ARHGAP44: variants seen among roughly 807,000 people sequenced by gnomAD.
ARHGAP44 encodes the protein Rho GTPase activating protein 44, also known as rho GTPase-activating protein 44.
Under a neutral mutation model 106.8 loss-of-function variants are expected in ARHGAP44, and 43 were observed. The ratio of observed to expected loss-of-function variants is 0.40; its 90% CI spans 0.32 to 0.52. The LOEUF (loss-of-function observed/expected upper bound fraction) is 0.52, where lower values mean the gene tolerates loss of function less well. Among genes scored for constraint, ARHGAP44 ranks in the 20% least tolerant of loss-of-function variants. The pLI, the probability that ARHGAP44 is intolerant of heterozygous loss-of-function variation, is 0.48. For missense variants in ARHGAP44, 866 were observed against 1,050.5 expected (o/e 0.82, Z 2.43); for synonymous variants, 439 against 410.3 (o/e 1.07, Z -0.85).
chr17:12,886,009 T>A (rs963817207), intron 1 of ARHGAP44, among the ~76,000 whole-genome samples: 5 of 152,164 alleles, frequency 3.3e-5, no homozygotes, highest in Middle Eastern at 3.2e-3. Flanking sequence ...TGATCTATTA[T>A]AAATTAATTT....
At chr17:12,800,533 G>C (rs559266321) in intron 1 of ARHGAP44, among the ~76,000 whole-genome samples, 1 of 152,294 alleles carries the variant, frequency 6.6e-6, no homozygotes, top group Non-Finnish European at 1.5e-5. Context: ...GATGTGAGAA[G>C]TTATATCCTG....
rs371617447 is a variant in ARHGAP44 at position 12,973,707 on chromosome 17, C to G, written c.1542-382C>G. 300 of 480,414 alleles carry G rather than the reference C, an allele frequency of 6.2e-4. 1 individual carries two copies. Among genetic ancestry groups the G allele is most frequent in the Admixed American group, 1.9e-3 (51 of 26,158 alleles). 29.8% of individuals were successfully genotyped at this position (480,414 alleles called of 1,614,324 possible). A position where few individuals can be genotyped will look rare whatever the true frequency, so the allele number is the denominator to read the frequency against. ...ACTTGGGAGGAGTGAGTGTCCCTGC[C>G]CCCCCAGTTAGGCCACACACCGCTG... is the stretch of plus-strand genomic sequence containing the variant. On this transcript the variant is annotated intron_variant, in intron 17 of 20. Coordinates refer to ENST00000379672, the MANE Select transcript of ARHGAP44 (RefSeq NM_014859.6).
intron 1 of ARHGAP44, among the ~76,000 whole-genome samples, chr17:12,879,402 A>G (rs1415182533): frequency 6.6e-6 from 1 of 152,138 alleles, no homozygotes; most frequent in East Asian, 1.9e-4. Context: ...CATATTTCGC[A>G]GTTGCAAATT....
intron 3 of ARHGAP44, among the ~76,000 whole-genome samples, chr17:12,898,940 G>T (rs1168428239): frequency 6.8e-6 from 1 of 148,124 alleles, no homozygotes; most frequent in Non-Finnish European, 1.5e-5. Context: ...GTATAGGTCA[G>T]TGATTTCACT....
intron 7 of ARHGAP44, among the ~76,000 whole-genome samples, chr17:12,936,548 A>G (rs2038555218): frequency 1.3e-5 from 2 of 152,224 alleles, no homozygotes; most frequent in Admixed American, 6.5e-5. Context: ...TTAGCCCTGA[A>G]TAATATTTCA....
At chr17:12,869,756 C>T (rs2036350629) in intron 1 of ARHGAP44, among the ~76,000 whole-genome samples, 1 of 151,530 alleles carries the variant, frequency 6.6e-6, no homozygotes, top group African/African-American at 2.4e-5. Flanking sequence ...TGACTTATAC[C>T]TTAATGTATT....
chr17:12,802,791 C>G (rs2034135113), intron 1 of ARHGAP44, among the ~76,000 whole-genome samples: 1 of 137,232 alleles, frequency 7.3e-6, no homozygotes, highest in Non-Finnish European at 1.6e-5. Context: ...CGAAGTCTCC[C>G]TCTGTCGCCC....
intron 16 of ARHGAP44, among the ~76,000 whole-genome samples, chr17:12,963,706 C>T (rs1160823249): frequency 1.3e-5 from 2 of 150,806 alleles, no homozygotes; most frequent in Non-Finnish European, 3.0e-5. Flanking sequence ...GCACCAGTGC[C>T]GTGTGTGCAG....
chr17:12,896,977 G>A (rs1297460732), intron 3 of ARHGAP44, among the ~76,000 whole-genome samples: 2 of 152,184 alleles, frequency 1.3e-5, no homozygotes, highest in African/African-American at 4.8e-5. Flanking sequence ...TCGCCCTAAT[G>A]AGACACAATA....
chr17:12,833,337 C>T (rs1328400813), intron 1 of ARHGAP44, among the ~76,000 whole-genome samples: 1 of 152,168 alleles, frequency 6.6e-6, no homozygotes, highest in Non-Finnish European at 1.5e-5. Flanking sequence ...GTCCTGATGA[C>T]ATAATAACCC....
chr17:12,985,154 G>T (rs879802537), intron 20 of ARHGAP44: 1 of 481,814 alleles, frequency 2.1e-6, no homozygotes, highest in East Asian at 3.4e-5. Context: ...CCAGCCTGGG[G>T]TTCTGTTTTT....
chr17:12,985,132 G>T, intron 20 of ARHGAP44: 1 of 547,890 alleles, frequency 1.8e-6, no homozygotes, highest in East Asian at 3.1e-5. Context: ...GATCTCTCTC[G>T]GTCTAAGCCC....
intron 5 of ARHGAP44, 58 bp downstream of exon 5, chr17:12,916,069 C>A: frequency 7.4e-7 from 1 of 1,352,416 alleles, no homozygotes; most frequent in South Asian, 1.2e-5. Flanking sequence ...AACAGGAGCC[C>A]CTCAATCATT....
At chr17:12,989,101 C>CAAAAAAAAA (rs71144942) in intron 20 of ARHGAP44, among the ~76,000 whole-genome samples, 24 of 45,150 alleles carry the variant, frequency 5.3e-4, no homozygotes, top group South Asian at 1.3e-3. Flanking sequence ...CCACCCCCCC[C>CAAAAAAAAA]AAAAAAAAAA....
chr17:12,938,271 T>TCA (rs906054050), intron 7 of ARHGAP44, among the ~76,000 whole-genome samples: 7 of 152,188 alleles, frequency 4.6e-5, no homozygotes, highest in African/African-American at 1.7e-4. Flanking sequence ...TTCCCAGAAT[T>TCA]AATTTGATTA....
At chr17:12,901,519 C>T (rs1423538904) in intron 3 of ARHGAP44, among the ~76,000 whole-genome samples, 1 of 152,042 alleles carries the variant, frequency 6.6e-6, no homozygotes, top group Non-Finnish European at 1.5e-5. Flanking sequence ...CAACGAGGAC[C>T]TGAAGATGGA....
chr17:12,877,329 G>C (rs1231521804), intron 1 of ARHGAP44, among the ~76,000 whole-genome samples: 2 of 152,112 alleles, frequency 1.3e-5, no homozygotes, highest in Admixed American at 1.3e-4. Flanking sequence ...AGGTTGATTT[G>C]ATTGATCACA....
At chr17:12,857,093 A>G (rs2035933255) in intron 1 of ARHGAP44, among the ~76,000 whole-genome samples, 1 of 152,216 alleles carries the variant, frequency 6.6e-6, no homozygotes, top group South Asian at 2.1e-4. Flanking sequence ...TAATTAGTGC[A>G]AAGCCATTAA....
At chr17:12,927,908 G>A (rs751175356) in intron 6 of ARHGAP44, among the ~76,000 whole-genome samples, 3 of 152,138 alleles carry the variant, frequency 2.0e-5, no homozygotes, top group Admixed American at 6.5e-5. Context: ...TAGTTTTTAA[G>A]ATAATGGCCC....
Sources: allele counts gnomAD v4.1 joint callset (sites outside exome capture counted in the v4.1 genomes callset), GRCh38; gene constraint gnomAD v4.1.1; transcripts MANE v1.5; gene names NCBI Gene and HGNC (gene_info 2026-07-23, HGNC 2026-07-21).